Variants in USP32 observed in about 807,000 individuals in gnomAD.
USP32 encodes ubiquitin carboxyl-terminal hydrolase 32.
USP32 carries 59 observed loss-of-function variants against 204.8 expected under a neutral mutation model. The observed-to-expected ratio is 0.29, with a 90% CI of 0.23 to 0.36. USP32 has a LOEUF of 0.36. Among genes scored for constraint, USP32 ranks in the 10% least tolerant of loss-of-function variants. USP32 has a pLI of 1.00. For synonymous variants in USP32, 517 were observed against 678.4 expected (o/e 0.76, Z 3.70); for missense variants, 1,160 against 1,946.4 (o/e 0.60, Z 7.60).
At chr17:60,299,912 A>T (rs908828531) in intron 3 of USP32, among the ~76,000 whole-genome samples, 1 of 152,144 alleles carries the variant, frequency 6.6e-6, no homozygotes, top group African/African-American at 2.4e-5. Context: ...GGGAAAATAT[A>T]AAGGGTCTCT....
At position 60,265,414 on chromosome 17, in the gene USP32, T is replaced by C. The variant is rs377306317; in HGVS notation, c.988A>G (p.Lys330Glu). ...AAATTAGTTCTATCTAGACTCACCT[T>C]TGTGGTGTCATGTGCATTCAGTATG... is the stretch of plus-strand genomic sequence containing the variant. Reference protein sequence around the residue: ...EGILNAHDTTKMGHLTLEDYQ... With the variant: ...EGILNAHDTTEMGHLTLEDYQ... Residue 330 changes from lysine to glutamate, a missense_variant and splice_region_variant, in exon 9 of 34, where the codon AAG becomes GAG. This residue lies in a region of USP32 where 536 missense variants were observed against 680.9 expected (regional missense o/e 0.79). Transcript: ENST00000300896. 5.0e-6 allele frequency: 8 copies of C among 1,598,460 alleles called. No homozygotes were observed. In the African/African-American group the frequency reaches 9.4e-5, roughly 19 times the overall value.
chr17:60,379,240 A>G (rs2089605916), intron 1 of USP32, among the ~76,000 whole-genome samples: 1 of 152,202 alleles, frequency 6.6e-6, no homozygotes, highest in African/African-American at 2.4e-5. Context: ...AGCAATGCAA[A>G]TGTCAAAGTA....
chr17:60,279,741 G>A (rs2145819063), intron 5 of USP32, among the ~76,000 whole-genome samples: 1 of 151,646 alleles, frequency 6.6e-6, no homozygotes, highest in South Asian at 2.1e-4. Flanking sequence ...GGAGGCTGAG[G>A]TGGGGGGATC....
chr17:60,205,432 T>G lies in USP32; in HGVS notation c.3249+15A>C. The stretch of plus-strand genomic sequence containing the variant: ...CTAGCAAGACTGGCAGTGAGTTGCC[T>G]AACATTTAACTAACCATTTTTCGGT... On this transcript the variant is annotated intron_variant, in intron 26 of 33. Transcript: ENST00000300896. 1 of 1,604,696 alleles carries G rather than the reference T, an allele frequency of 6.2e-7. No homozygotes were observed. The highest frequency in any genetic ancestry group is 8.5e-7 in the Non-Finnish European group (1 of 1,173,366).
chr17:60,385,420 C>T (rs965781321), intron 1 of USP32, among the ~76,000 whole-genome samples: 3 of 152,226 alleles, frequency 2.0e-5, no homozygotes, highest in Non-Finnish European at 4.4e-5. Flanking sequence ...GTGGCACACG[C>T]CTGTAGTCCC....
chr17:60,377,977 CCA>C (rs751100709), intron 1 of USP32, among the ~76,000 whole-genome samples: 20 of 152,102 alleles, frequency 1.3e-4, no homozygotes, highest in Non-Finnish European at 2.6e-4. Context: ...GAAAGACAAT[CCA>C]CAGATATTAA....
chr17:60,266,255 T>A (rs554329410), intron 7 of USP32, among the ~76,000 whole-genome samples, 164 bp from the exon 8 acceptor site: 2 of 152,326 alleles, frequency 1.3e-5, no homozygotes, highest in South Asian at 4.1e-4. Flanking sequence ...ATTATAGTCC[T>A]CAGAACTTGT....
chr17:60,332,312 C>G (rs1489141365), intron 2 of USP32, among the ~76,000 whole-genome samples: 1 of 151,866 alleles, frequency 6.6e-6, no homozygotes, highest in Non-Finnish European at 1.5e-5. Context: ...AATCACTAAA[C>G]ACAATGAAGA....
At chr17:60,392,377 A>T, upstream of USP32, 2 of 259,428 alleles carry the variant, frequency 7.7e-6, no homozygotes, top group South Asian at 6.3e-5. Flanking sequence ...GCATCTCCGC[A>T]CGTAACGCAT....
intron 20 of USP32, 93 bp from the exon 21 acceptor site, chr17:60,211,211 C>A (rs1657220953): frequency 1.3e-6 from 2 of 1,525,736 alleles, no homozygotes; most frequent in African/African-American, 2.8e-5. Context: ...ATCAAAATAT[C>A]TTTTCTTTTT....
intron 11 of USP32, among the ~76,000 whole-genome samples, chr17:60,241,177 T>G (rs1408585707): frequency 5.3e-5 from 8 of 152,146 alleles, no homozygotes; most frequent in Admixed American, 2.6e-4. Context: ...TTTTGTATTT[T>G]TAGTACAGAC....
rs568932576 is a variant in USP32 at position 60,182,795 on chromosome 17, A to T, written c.4123+370T>A. ...AAAAAATAAAAAATAAAATAAATTA[A>T]AAAAAAAAGAGTTTTGATCCTCTAG... On this transcript the variant is annotated intron_variant, in intron 31 of 33. Coordinates refer to ENST00000300896, the MANE Select transcript of USP32 (RefSeq NM_032582.4). Among the ~76,000 whole-genome samples, 464 of 144,726 alleles carry T rather than the reference A, an allele frequency of 3.2e-3. 1 individual carries two copies. The highest frequency in any genetic ancestry group is 0.013 in the African/African-American group (447 of 35,330). The allele number at this position is 144,726 out of a possible 152,430, so 94.9% of individuals were successfully genotyped here. A position where few individuals can be genotyped will look rare whatever the true frequency, so the allele number is the denominator to read the frequency against.
intron 1 of USP32, among the ~76,000 whole-genome samples, chr17:60,361,893 T>C (rs948957964): frequency 6.6e-6 from 1 of 152,140 alleles, no homozygotes; most frequent in African/African-American, 2.4e-5. Context: ...TTGGCCTCAA[T>C]GCTCAATGTT....
intron 7 of USP32, among the ~76,000 whole-genome samples, 186 bp from the exon 8 acceptor site, chr17:60,266,277 C>T (rs2086590050): frequency 6.6e-6 from 1 of 152,102 alleles, no homozygotes; most frequent in Admixed American, 6.6e-5. Flanking sequence ...GGACTTCCTG[C>T]ATATCATGAA....
intron 1 of USP32, among the ~76,000 whole-genome samples, chr17:60,372,564 G>A (rs1192517308): frequency 6.6e-6 from 1 of 151,268 alleles, no homozygotes; most frequent in Non-Finnish European, 1.5e-5. Context: ...AAAAGTCCAG[G>A]CACGGTGGCT....
chr17:60,196,668 T>C (rs913290524), intron 27 of USP32, among the ~76,000 whole-genome samples: 64 of 151,168 alleles, frequency 4.2e-4, no homozygotes, highest in Middle Eastern at 3.4e-3. Flanking sequence ...GTACTAAAAA[T>C]ACAAAAATTA....
At chr17:60,363,253 G>A (rs1022283198) in intron 1 of USP32, among the ~76,000 whole-genome samples, 8 of 151,870 alleles carry the variant, frequency 5.3e-5, no homozygotes, top group Admixed American at 4.6e-4. Context: ...TCAGGAGTTC[G>A]CAACCAGCCT....
At chr17:60,351,786 A>G (rs1018688310) in intron 1 of USP32, among the ~76,000 whole-genome samples, 1 of 152,234 alleles carries the variant, frequency 6.6e-6, no homozygotes, top group Non-Finnish European at 1.5e-5. Context: ...CATAGTCTCC[A>G]TATTCTAATA....
At chr17:60,227,582 C>CT (rs111424514) in intron 12 of USP32, among the ~76,000 whole-genome samples, 334 of 139,688 alleles carry the variant, frequency 2.4e-3, no homozygotes, top group Admixed American at 3.5e-3. Context: ...TTTTTCTTTT[C>CT]TTTTTTTTTT....
Sources: allele counts gnomAD v4.1 joint callset (sites outside exome capture counted in the v4.1 genomes callset), GRCh38; gene constraint gnomAD v4.1.1; regional missense constraint gnomAD v4.1.1; transcripts MANE v1.5; gene names NCBI Gene and HGNC (gene_info 2026-07-23, HGNC 2026-07-21).